The following CDK19 variants were observed in gnomAD, a reference collection of about 807,000 sequenced individuals.
The protein encoded by CDK19 is cyclin dependent kinase 19.
In CDK19, 20 loss-of-function variants were observed where a neutral mutation model predicts 68.3. The observed-to-expected ratio is 0.29, with a 90% confidence interval of 0.21 to 0.43. CDK19 has a LOEUF of 0.43. Ranked by LOEUF, CDK19 falls within the 20% of genes least tolerant of loss-of-function variation. CDK19 has a pLI of 1.00. For synonymous variants in CDK19, 221 were observed against 222.8 expected, an observed-to-expected ratio of 0.99 and a Z score of 0.07; for missense variants, 339 against 623.5, an observed-to-expected ratio of 0.54 and a Z score of 4.86.
intron 1 of CDK19, among the ~76,000 whole-genome samples, chr6:110,806,106 G>A (rs1782663781): frequency 2.0e-5 from 3 of 152,040 alleles, no homozygotes; most frequent in South Asian, 2.1e-4. Flanking sequence ...TTGGGAGGCC[G>A]AGGTGGGCAG....
intron 2 of CDK19, among the ~76,000 whole-genome samples, chr6:110,674,038 A>T (rs1336025170): frequency 2.0e-5 from 3 of 152,218 alleles, no homozygotes; most frequent in Admixed American, 2.0e-4. Flanking sequence ...AGCTCACTTA[A>T]TGTCTCTGTG....
intron 2 of CDK19, among the ~76,000 whole-genome samples, chr6:110,728,484 T>C (rs1012835481): frequency 1.7e-4 from 26 of 152,020 alleles, no homozygotes; most frequent in African/African-American, 5.6e-4. Flanking sequence ...TCTTCCCTAG[T>C]CTGATTGCTG....
intron 2 of CDK19, among the ~76,000 whole-genome samples, chr6:110,685,940 G>GCTCC (rs1772439690): frequency 6.6e-6 from 1 of 152,116 alleles, no homozygotes; most frequent in South Asian, 2.1e-4. Flanking sequence ...CCTTCAGGAT[G>GCTCC]CTCCATATGC....
intron 1 of CDK19, among the ~76,000 whole-genome samples, chr6:110,760,614 A>G (rs1395981217): frequency 6.6e-6 from 1 of 152,124 alleles, no homozygotes; most frequent in Non-Finnish European, 1.5e-5. Context: ...CTGTAGTCCC[A>G]GTGACTCAGG....
At chr6:110,791,698 C>T (rs1259660047) in intron 1 of CDK19, among the ~76,000 whole-genome samples, 1 of 152,094 alleles carries the variant, frequency 6.6e-6, no homozygotes, top group African/African-American at 2.4e-5. Context: ...CACTATGTCG[C>T]CCAGGCTGAA....
Position 110,815,220 on chromosome 6 carries a change from C to T in CDK19, c.-84G>A. 1 of 1,389,156 alleles carries T rather than the reference C, an allele frequency of 7.2e-7. No homozygotes were observed. Among genetic ancestry groups the T allele is most frequent in the Non-Finnish European group, 9.4e-7 (1 of 1,069,062 alleles). 86.1% of individuals were successfully genotyped at this position (1,389,156 alleles called of 1,614,324 possible). On this transcript the variant is annotated 5_prime_UTR_variant, in exon 1 of 13. Coordinates refer to ENST00000368911, the MANE Select transcript of CDK19 (RefSeq NM_015076.5). ...CCTCCTCCCCCCGCGACCGCCGCTC[C>T]ACTTCTCCAACAGCCGCCTCTCGCG...
At chr6:110,774,260 T>C (rs77730278) in intron 1 of CDK19, among the ~76,000 whole-genome samples, 4,036 of 152,294 alleles carry the variant, frequency 0.027, 81 homozygotes, top group South Asian at 0.084. Flanking sequence ...AATTCAACTT[T>C]TTAAATTATG....
intron 12 of CDK19, among the ~76,000 whole-genome samples, chr6:110,619,264 G>A (rs1432776230): frequency 6.6e-6 from 1 of 152,008 alleles, no homozygotes; most frequent in Non-Finnish European, 1.5e-5. Flanking sequence ...TGAATTTGGG[G>A]AAAAAAAGAA....
intron 5 of CDK19, among the ~76,000 whole-genome samples, chr6:110,636,433 A>G (rs1779780940): frequency 6.6e-6 from 1 of 152,226 alleles, no homozygotes; most frequent in Non-Finnish European, 1.5e-5. Context: ...GCAAGAATGA[A>G]CAGAAGGCAA....
At chr6:110,804,726 C>T (rs1387126794) in intron 1 of CDK19, among the ~76,000 whole-genome samples, 2 of 149,454 alleles carry the variant, frequency 1.3e-5, no homozygotes, top group Admixed American at 6.6e-5. Flanking sequence ...GAGGCCGAGG[C>T]GGGCGGATCA....
At chr6:110,798,997 A>G (rs753929401) in intron 1 of CDK19, among the ~76,000 whole-genome samples, 2 of 151,718 alleles carry the variant, frequency 1.3e-5, no homozygotes, top group Non-Finnish European at 2.9e-5. Context: ...TACAAAAATC[A>G]ACCAGGCGTG....
intron 2 of CDK19, among the ~76,000 whole-genome samples, chr6:110,712,492 T>C (rs987382266): frequency 3.3e-5 from 5 of 152,212 alleles, no homozygotes; most frequent in African/African-American, 9.6e-5. Context: ...TATGGAACTA[T>C]AGTACTAACT....
At chr6:110,753,444 C>T (rs1173694413) in intron 1 of CDK19, among the ~76,000 whole-genome samples, 1 of 150,986 alleles carries the variant, frequency 6.6e-6, no homozygotes, top group African/African-American at 2.4e-5. Flanking sequence ...AGTGCAGTAG[C>T]GCGATCATGG....
At chr6:110,782,891 T>G (rs1451096733) in intron 1 of CDK19, among the ~76,000 whole-genome samples, 4 of 152,156 alleles carry the variant, frequency 2.6e-5, no homozygotes, top group Non-Finnish European at 5.9e-5. Flanking sequence ...CCTCCACAAT[T>G]TTATACATTT....
chr6:110,650,768 T>C (rs573245284), intron 4 of CDK19, among the ~76,000 whole-genome samples: 2 of 151,782 alleles, frequency 1.3e-5, no homozygotes, highest in African/African-American at 2.4e-5. Context: ...TCAGGAAAAA[T>C]AGAGTGACAC....
At chr6:110,812,196 C>T (rs1014536458) in intron 1 of CDK19, among the ~76,000 whole-genome samples, 8 of 151,808 alleles carry the variant, frequency 5.3e-5, no homozygotes, top group African/African-American at 1.7e-4. Context: ...TCTCGGCTCA[C>T]TGCAAGCTCC....
rs1022522185 is a variant in CDK19, at chr6:110,719,761, C to G, written c.204+26365G>C. Among the ~76,000 whole-genome samples, 36 of 152,182 alleles carry G rather than the reference C, an allele frequency of 2.4e-4. 1 individual carries two copies. Among genetic ancestry groups the G allele is most frequent in the African/African-American group, 8.4e-4 (35 of 41,526 alleles). On this transcript the variant is annotated intron_variant, in intron 2 of 12. Coordinates refer to ENST00000368911, the MANE Select transcript of CDK19 (RefSeq NM_015076.5). ...TTTGTTTTGTTTTGAGACAGAGTCTCACTCTGTCACACAGGCTGGGGTGCA... is the reference window on the plus strand; with the variant it reads ...TTTGTTTTGTTTTGAGACAGAGTCTGACTCTGTCACACAGGCTGGGGTGCA...
chr6:110,669,340 G>A (rs148789733), intron 3 of CDK19, among the ~76,000 whole-genome samples: 1,561 of 152,280 alleles, frequency 0.01, 6 homozygotes, highest in Non-Finnish European at 0.016. Flanking sequence ...TTAGTCAGGT[G>A]TGGTCATGCA....
chr6:110,611,013 G>T lies in CDK19; in HGVS notation c.*3522C>A, dbSNP rs2114524278. On this transcript the variant is annotated 3_prime_UTR_variant, in exon 13 of 13. Transcript: ENST00000368911. ...TTCGTAAGAGCAAAAGAGTAGTGCA[G>T]AAGGCCAAAATTCTAAGTACTAAAG... The T allele has an allele frequency of 2.0e-5, 3 of 152,222 alleles. No homozygotes were observed. The Middle Eastern group carries it at 0.01, about 518-fold the overall frequency. 9.4% of individuals were successfully genotyped at this position (152,222 alleles called of 1,614,324 possible).
Sources: gnomAD v4.1 joint callset for allele counts (sites outside exome capture counted in the v4.1 genomes callset) on GRCh38, gnomAD v4.1.1 for gene constraint, MANE v1.5 for transcripts, NCBI Gene and HGNC (gene_info 2026-07-23, HGNC 2026-07-21) for gene names.